The following MYOM3 variants were observed in gnomAD, a reference collection of about 807,000 sequenced individuals.
The protein encoded by MYOM3 is myomesin-3.
In MYOM3, 155 loss-of-function variants were observed where a neutral mutation model predicts 191.7. That is an observed-to-expected ratio of 0.81 (90% CI 0.71 to 0.92). The LOEUF (loss-of-function observed/expected upper bound fraction) is 0.92, where lower values mean the gene tolerates loss of function less well. Ranked by LOEUF, MYOM3 falls within the 40% of genes least tolerant of loss-of-function variation. MYOM3 has a pLI of 0.00. For synonymous variants in MYOM3, 757 were observed against 762.9 expected, an observed-to-expected ratio of 0.99 and a Z score of 0.13; for missense variants, 1,889 against 1,890.6, an observed-to-expected ratio of 1.00 and a Z score of 0.02.
In MYOM3 at chr1:24,076,198, A is replaced by T; in HGVS notation, c.2662T>A (p.Ser888Thr). The change falls in exon 21 of 37, where the codon TCC becomes ACC. Residue 888 changes from serine to threonine, a missense_variant. By Grantham distance (58) the Ser-to-Thr change is moderately conservative (BLOSUM62 1). Transcript: ENST00000374434. The stretch of plus-strand genomic sequence containing the variant: ...AGGAGCACGGGATCAGTGGGCATGG[A>T]CGGTTGCCCCAGACCAGCTGAATTC... ...AMNSAGLGQPSMPTDPVLLED... is the reference protein window; with the variant it reads ...AMNSAGLGQPTMPTDPVLLED... 3 of 1,614,166 alleles carry T rather than the reference A, an allele frequency of 1.9e-6. No individual in the cohort carries two copies. The highest frequency in any genetic ancestry group is 2.5e-6 in the Non-Finnish European group (3 of 1,179,998).
intron 6 of MYOM3, among the ~76,000 whole-genome samples, chr1:24,099,112 TTA>T (rs929261606): frequency 2.6e-5 from 4 of 151,864 alleles, no homozygotes; most frequent in Non-Finnish European, 5.9e-5. Context: ...GACTGCACTC[TTA>T]TATTCCCGTG....
Position 24,076,507 on chromosome 1 carries a change from C to CTTTTTT in MYOM3, c.2587-240_2587-235dup, listed in dbSNP as rs558326490. Among the ~76,000 whole-genome samples the CTTTTTT allele has an allele frequency of 9.2e-4, 45 of 49,090 alleles. 1 individual carries two copies. The highest frequency in any genetic ancestry group is 1.0e-3 in the Non-Finnish European group (27 of 26,502). The allele number at this position is 49,090 out of a possible 152,430, so 32.2% of individuals were successfully genotyped here. ...CATCTGTTTTATTTCCCTAATGTTT[C>CTTTTTT]TTTTTTTTTTTTTTTTTTTTTTTTG... On this transcript the variant is annotated intron_variant, in intron 20 of 36. Transcript: ENST00000374434.
At chr1:24,074,811 G>A (rs1028752546) in intron 22 of MYOM3, among the ~76,000 whole-genome samples, 2 of 152,202 alleles carry the variant, frequency 1.3e-5, no homozygotes, top group African/African-American at 2.4e-5. Context: ...TTGGCTGAGC[G>A]CAGTGGCTCA....
At position 24,094,916 on chromosome 1, in the gene MYOM3, A is replaced by G. The variant is rs372691757; in HGVS notation, c.865T>C (p.Ser289Pro). 1.9e-6 allele frequency: 3 copies of G among 1,613,986 alleles called. No individual in the cohort carries two copies. The highest frequency in any genetic ancestry group is 2.7e-5 in the African/African-American group (2 of 74,924). Residue 289 changes from serine (S) to proline (P), a missense_variant, in exon 9 of 37, where the codon TCC becomes CCC. Coordinates refer to ENST00000374434, the MANE Select transcript of MYOM3 (RefSeq NM_152372.4). ...PVFAREKEPFSLSCLFSEDVL... is the reference protein window; with the variant it reads ...PVFAREKEPFPLSCLFSEDVL... Reference sequence around the variant, plus strand: ...TCTTCCGAAAACAAGCATGACAGGGAGAAGGGTTCCTTCTCACGAGCAAAG... The same window carrying G: ...TCTTCCGAAAACAAGCATGACAGGGGGAAGGGTTCCTTCTCACGAGCAAAG...
intron 16 of MYOM3, chr1:24,083,835 A>G (rs993010807): frequency 6.5e-6 from 1 of 152,922 alleles, no homozygotes; most frequent in Admixed American, 6.5e-5. Flanking sequence ...TTACTAAGCT[A>G]CAAGGGGCTT....
chr1:24,076,111 A>T, intron 21 of MYOM3, 48 bp downstream of exon 21: 1 of 1,455,686 alleles, frequency 6.9e-7, no homozygotes, highest in East Asian at 2.3e-5. Context: ...ACCCGTCCCC[A>T]GTGGCGTAGC....
At chr1:24,103,417 T>C (rs1244789083) in intron 5 of MYOM3, among the ~76,000 whole-genome samples, 1 of 152,252 alleles carries the variant, frequency 6.6e-6, no homozygotes, top group Non-Finnish European at 1.5e-5. Flanking sequence ...GCTCCTGGCC[T>C]GAGTGATTTC....
At chr1:24,071,511 C>T (rs1643531907) in intron 24 of MYOM3, among the ~76,000 whole-genome samples, 4 of 152,150 alleles carry the variant, frequency 2.6e-5, no homozygotes, top group Admixed American at 2.6e-4. Context: ...GGATCCCAGA[C>T]GACTTTCAAA....
chr1:24,063,230 G>A lies in MYOM3; in HGVS notation c.3666C>T (p.Leu1222=), dbSNP rs1643393615. 1 of 1,612,650 alleles carries A rather than the reference G, an allele frequency of 6.2e-7. No homozygotes were observed. Among genetic ancestry groups the A allele is most frequent in the South Asian group, 1.1e-5 (1 of 91,036 alleles). Residue 1222 remains leucine, a synonymous_variant, in exon 32 of 37, where the codon CTC becomes CTT. Transcript: ENST00000374434. The surrounding 1 kb of genome is among the most constrained non-coding windows in gnomAD (Gnocchi z 4.5). ...CCTGGATTTTCAGTGGAGTTGCAGA[G>A]AGGGCTGGGGAGACAGAGGAGAAGG... ...IFTELGRIGA[L]SATPLKIQGT... is the part of the protein sequence containing the mutation.
chr1:24,090,912 T>C lies in MYOM3; in HGVS notation c.1317A>G (p.Glu439=), dbSNP rs1309768508. The C allele has an allele frequency of 1.2e-6, 2 of 1,614,038 alleles. No individual in the cohort carries two copies. The highest frequency in any genetic ancestry group is 3.3e-5 in the Admixed American group (2 of 60,012). Residue 439 remains glutamate, a synonymous_variant, in exon 12 of 37, where the codon GAA becomes GAG. Transcript: ENST00000374434. ...TCACCCGGAACCGATAGCTCTGACC[T>C]TCGACGAGGCCTTGGATTGGGCACC... is the stretch of plus-strand genomic sequence containing the variant. ...TCRCPIQGLV[E]GQSYRFRVRA... is the part of the protein sequence containing the mutation.
At chr1:24,072,132 C>T in intron 23 of MYOM3, 119 bp from the exon 24 acceptor site, 1 of 964,708 alleles carries the variant, frequency 1.0e-6, no homozygotes, top group Non-Finnish European at 1.6e-6. Context: ...AGAGACACCT[C>T]CCCCGACCTT....
Position 24,063,665 on chromosome 1 carries a change from C to A in MYOM3, c.3623-135G>T. 1.0e-6 allele frequency: 1 copy of A among 981,782 alleles called. No individual in the cohort carries two copies. The highest frequency in any genetic ancestry group is 1.6e-6 in the Non-Finnish European group (1 of 633,980). 60.8% of individuals were successfully genotyped at this position (981,782 alleles called of 1,614,324 possible). On this transcript the variant is annotated intron_variant, in intron 30 of 36. Coordinates refer to ENST00000374434, the MANE Select transcript of MYOM3 (RefSeq NM_152372.4). The surrounding 1 kb of genome is among the most constrained non-coding windows in gnomAD (Gnocchi z 4.5). Reference sequence around the variant, plus strand: ...GGGGACAGGCAACTCTGTAGGATGACTCTCATAGCTTGGGGATAGGAGGGG... The same window carrying A: ...GGGGACAGGCAACTCTGTAGGATGAATCTCATAGCTTGGGGATAGGAGGGG...
At chr1:24,104,221 T>C (rs1643963135) in intron 5 of MYOM3, among the ~76,000 whole-genome samples, 1 of 152,198 alleles carries the variant, frequency 6.6e-6, no homozygotes, top group Non-Finnish European at 1.5e-5. Flanking sequence ...GCTGCTGTTT[T>C]CCTTTGTGTT....
chr1:24,065,094 G>A (rs1030932205), intron 29 of MYOM3, among the ~76,000 whole-genome samples: 2 of 152,188 alleles, frequency 1.3e-5, no homozygotes, highest in African/African-American at 2.4e-5. Flanking sequence ...TTGCACCAAT[G>A]GGACTGATGA....
intron 13 of MYOM3, 54 bp from the exon 14 acceptor site, chr1:24,089,719 ATCTCAGTGCCTCAT>A (rs1643792245): frequency 6.6e-7 from 1 of 1,516,012 alleles, no homozygotes; most frequent in Admixed American, 2.1e-5. Flanking sequence ...AGACCCCCTA[ATCTCAGTGCCTCAT>A]TCCATGGAAG....
At chr1:24,085,490 T>C (rs767423103) in intron 15 of MYOM3, among the ~76,000 whole-genome samples, 1 of 152,202 alleles carries the variant, frequency 6.6e-6, no homozygotes, top group Non-Finnish European at 1.5e-5. Context: ...TTGGTTGTTC[T>C]CTATTTTCTT....
intron 6 of MYOM3, among the ~76,000 whole-genome samples, chr1:24,098,930 C>A (rs1643893012): frequency 6.6e-6 from 1 of 152,142 alleles, no homozygotes; most frequent in South Asian, 2.1e-4. Flanking sequence ...TGTACAAGAG[C>A]CTTAACTTTC....
chr1:24,082,559 G>C, intron 17 of MYOM3, 34 bp downstream of exon 17: 2 of 1,546,070 alleles, frequency 1.3e-6, no homozygotes, highest in South Asian at 1.2e-5. Context: ...CCAGCCCAGG[G>C]AGGTTTGCAG....
intron 5 of MYOM3, among the ~76,000 whole-genome samples, chr1:24,101,010 C>G (rs148321558): frequency 1.3e-5 from 2 of 152,110 alleles, no homozygotes; most frequent in African/African-American, 2.4e-5. Flanking sequence ...AATTTACCCA[C>G]GGGCCACCCA....
Sources: gnomAD v4.1 joint callset for allele counts (sites outside exome capture counted in the v4.1 genomes callset) on GRCh38, gnomAD v4.1.1 for gene constraint, Gnocchi (gnomAD v3.1) non-coding constraint, MANE v1.5 for transcripts, NCBI Gene and HGNC (gene_info 2026-07-23, HGNC 2026-07-21) for gene names.